Variants in MYO1C observed in about 807,000 individuals in gnomAD.
MYO1C encodes myosin IC, also known as unconventional myosin-Ic.
A neutral mutation model predicts 150.8 loss-of-function variants in MYO1C; 104 were observed. That is an observed-to-expected ratio of 0.69 (90% CI 0.59 to 0.81). The LOEUF is 0.81. Ranked by LOEUF, MYO1C falls within the 30% of genes least tolerant of loss-of-function variation. The pLI, the probability that MYO1C is intolerant of heterozygous loss-of-function variation, is 0.00. For synonymous variants in MYO1C, 663 were observed against 579.9 expected (o/e 1.14, Z -2.06); for missense variants, 1,504 against 1,435.0 (o/e 1.05, Z -0.78).
chr17:1,489,680 A>G (rs921309725), intron 1 of MYO1C, among the ~76,000 whole-genome samples: 46 of 152,288 alleles, frequency 3.0e-4, no homozygotes, highest in Admixed American at 7.8e-4. Context: ...CCCAGTGTCA[A>G]ACAAACAAAG....
intron 7 of MYO1C, among the ~76,000 whole-genome samples, chr17:1,480,168 A>G (rs1462090975): frequency 1.4e-4 from 19 of 133,746 alleles, no homozygotes; most frequent in Admixed American, 1.4e-3. Context: ...AAAAAAAAAA[A>G]GGGATTACTG....
chr17:1,468,051 T>A lies in MYO1C; in HGVS notation c.2833A>T (p.Asn945Tyr). Residue 945 changes from asparagine to tyrosine, a missense_variant, in exon 28 of 32, where the codon AAC becomes TAC. Physicochemically the swap from Asn to Tyr is moderately radical, Grantham distance 143. Coordinates refer to ENST00000648651, the MANE Select transcript of MYO1C (RefSeq NM_001080779.2). Reference sequence around the variant, plus strand: ...GCGTCCTCCACGATGACGACGGCGTTGGGCGTGAGCAGCAGCTGCCGGGAG... The same window carrying A: ...GCGTCCTCCACGATGACGACGGCGTAGGGCGTGAGCAGCAGCTGCCGGGAG... The part of the protein sequence containing the change: ...PRSRQLLLTP[N>Y]AVVIVEDAKV... 1 of 1,613,052 alleles carries A rather than the reference T, an allele frequency of 6.2e-7. No homozygotes were observed. Among genetic ancestry groups the A allele is most frequent in the Non-Finnish European group, 8.5e-7 (1 of 1,179,862 alleles).
intron 29 of MYO1C, 79 bp downstream of exon 29, chr17:1,467,761 C>T (rs2074207693): frequency 2.1e-5 from 12 of 569,006 alleles, no homozygotes; most frequent in African/African-American, 2.6e-5. Flanking sequence ...ACCCCCACAC[C>T]CCCTATTCCC....
rs146239773 is a variant in MYO1C, at chr17:1,484,202, G to C, written c.177C>G (p.Ser59Arg). 5 of 1,612,898 alleles carry C rather than the reference G, an allele frequency of 3.1e-6. No homozygotes were observed. Among genetic ancestry groups the C allele is most frequent in the African/African-American group, 1.3e-5 (1 of 75,040 alleles). ...GCAGGTTCTCGATGAAGGCGGCCTC[G>C]CTGGTGAAGTTCTCCAGCAGCACGA... ...QDFVLLENFT[S>R]EAAFIENLRR... The change falls in exon 2 of 32, where the codon AGC (serine) becomes AGG (arginine). Residue 59 changes from serine to arginine, a missense_variant. Ser to Arg is a moderately radical substitution (Grantham distance 110). Transcript: ENST00000648651.
chr17:1,492,194 A>G (rs1251283189), intron 1 of MYO1C, among the ~76,000 whole-genome samples: 2 of 152,218 alleles, frequency 1.3e-5, no homozygotes. Context: ...GCCGGGGAAG[A>G]GTCAAGCCCA....
At chr17:1,484,878 CCAG>C in intron 1 of MYO1C, 1 of 365,852 alleles carries the variant, frequency 2.7e-6, no homozygotes, top group Non-Finnish European at 5.2e-6. Flanking sequence ...TCTCTCCCAC[CCAG>C]ACCCACCCCC....
Position 1,472,016 on chromosome 17 carries a change from C to T in MYO1C, c.1912G>A (p.Asp638Asn), listed in dbSNP as rs1305207025. ...PNDAKQPGRFDEVLIRHQVKY... is the reference protein window; with the variant it reads ...PNDAKQPGRFNEVLIRHQVKY... ...ACCTGGTGGCGGATCAGCACCTCGTCAAAGCGGCCTGGGGTAGGGGGAGCG... is the reference window on the plus strand; with the variant it reads ...ACCTGGTGGCGGATCAGCACCTCGTTAAAGCGGCCTGGGGTAGGGGGAGCG... Residue 638 changes from aspartate to asparagine, a missense_variant, in exon 19 of 32, where the codon GAC (aspartate) becomes AAC (asparagine). Asp to Asn is a conservative substitution (Grantham distance 23, BLOSUM62 1). Coordinates refer to ENST00000648651, the MANE Select transcript of MYO1C (RefSeq NM_001080779.2). The T allele has an allele frequency of 3.1e-6, 5 of 1,613,870 alleles. No homozygotes were observed. The African/African-American group carries it at 5.3e-5, about 17-fold the overall frequency.
chr17:1,479,643 C>G lies in MYO1C; in HGVS notation c.969G>C (p.Glu323Asp). ...CGGTGGTGACCTGGGCATTGCTCTC[C>G]TCGTTGGCAGCAAAGTGGATGTTGC... ...HLGNIHFAANEESNAQVTTEN... is the reference protein window; with the variant it reads ...HLGNIHFAANDESNAQVTTEN... The change falls in exon 8 of 32, where the codon GAG (glutamate) becomes GAC (aspartate). Residue 323 changes from glutamate to aspartate, a missense_variant. Transcript: ENST00000648651. This position sits in a 1 kb window ranked among gnomAD's most constrained non-coding sequence, Gnocchi z 4.2. The G allele has an allele frequency of 6.2e-7, 1 of 1,613,748 alleles. No individual in the cohort carries two copies. Among genetic ancestry groups the G allele is most frequent in the African/African-American group, 1.3e-5 (1 of 74,980 alleles).
At chr17:1,475,133 A>G in intron 14 of MYO1C, 101 bp from the exon 15 acceptor site, 6 of 1,228,172 alleles carry the variant, frequency 4.9e-6, no homozygotes, top group Middle Eastern at 2.7e-4. Context: ...GCCCAGGTGC[A>G]CCCCAGGCCG....
At chr17:1,469,746 C>T in intron 24 of MYO1C, 132 bp from the exon 25 acceptor site, 3 of 837,134 alleles carry the variant, frequency 3.6e-6, no homozygotes, top group Admixed American at 4.0e-5. Flanking sequence ...GTCAAGAGAC[C>T]TTACTCGGCA....
chr17:1,466,267 C>T (rs550592207), intron 31 of MYO1C, among the ~76,000 whole-genome samples: 4 of 148,640 alleles, frequency 2.7e-5, no homozygotes, highest in Non-Finnish European at 3.0e-5. Flanking sequence ...CTCAAGCAAT[C>T]CTCTCATCTC....
At position 1,467,883 on chromosome 17, in the gene MYO1C, C is replaced by T; in HGVS notation, c.2924G>A (p.Ser975Asn). The change falls in exon 29 of 32, where the codon AGT (serine) becomes AAT (asparagine). Residue 975 changes from serine to asparagine, a missense_variant. By Grantham distance (46) the Ser-to-Asn change is conservative (BLOSUM62 1). Coordinates refer to ENST00000648651, the MANE Select transcript of MYO1C (RefSeq NM_001080779.2). Reference sequence around the variant, plus strand: ...ACGCTGTACATGAAGCACAAAAAGACTGTCGCTCAGGCTGCTGACAGAGAT... The same window carrying T: ...ACGCTGTACATGAAGCACAAAAAGATTGTCGCTCAGGCTGCTGACAGAGAT... The part of the protein sequence containing the change: ...TGISVSSLSD[S>N]LFVLHVQRAD... 1 of 1,608,206 alleles carries T rather than the reference C, an allele frequency of 6.2e-7. No homozygotes were observed. The highest frequency in any genetic ancestry group is 8.5e-7 in the Non-Finnish European group (1 of 1,177,740).
At chr17:1,475,388 C>CAA (rs150952126) in intron 14 of MYO1C, among the ~76,000 whole-genome samples, 6 of 147,042 alleles carry the variant, frequency 4.1e-5, no homozygotes, top group African/African-American at 1.5e-4. Flanking sequence ...CACTACACTC[C>CAA]AAAAAAAAAA....
In MYO1C at chr17:1,477,530, C is replaced by T. The variant is rs751601668; in HGVS notation, c.1549G>A (p.Val517Ile). The change falls in exon 14 of 32, where the codon GTC becomes ATC. Residue 517 changes from valine (V) to isoleucine (I), a missense_variant. Coordinates refer to ENST00000648651, the MANE Select transcript of MYO1C (RefSeq NM_001080779.2). ...LTFLEKLEDT[V>I]KHHPHFLTHK... is the part of the protein sequence containing the mutation. ...GTCAGGAAGTGTGGATGGTGCTTGA[C>T]AGTATCCTCCAGCTTCTCCAGGAAG... 6.8e-6 allele frequency: 11 copies of T among 1,613,692 alleles called. No homozygotes were observed. Among genetic ancestry groups the T allele is most frequent in the Non-Finnish European group, 9.3e-6 (11 of 1,180,018 alleles).
In MYO1C at chr17:1,485,642, T is replaced by G. The variant is rs1282673912; in HGVS notation, c.76-1339A>C. The G allele has an allele frequency of 4.3e-6, 5 of 1,175,624 alleles. No individual in the cohort carries two copies. In the African/African-American group the frequency reaches 6.4e-5, roughly 15 times the overall value. 72.8% of individuals were successfully genotyped at this position (1,175,624 alleles called of 1,614,324 possible). On this transcript the variant is annotated intron_variant, in intron 1 of 31. Coordinates refer to ENST00000648651, the MANE Select transcript of MYO1C (RefSeq NM_001080779.2). ...GCGAGGCCGAGGCGACGCCGCGAGG[T>G]GGGGAGGGACGCCCGGGACCCCCCG... is the stretch of plus-strand genomic sequence containing the variant.
intron 1 of MYO1C, chr17:1,486,973 G>C (rs908974152): frequency 2.6e-5 from 4 of 152,360 alleles, no homozygotes; most frequent in African/African-American, 9.6e-5. Context: ...TCCCACCGCG[G>C]GCAGGGGCGG....
intron 1 of MYO1C, among the ~76,000 whole-genome samples, chr17:1,489,651 G>A (rs941375474): frequency 3.9e-5 from 6 of 152,178 alleles, no homozygotes; most frequent in Non-Finnish European, 8.8e-5. Flanking sequence ...CTGCACTCCA[G>A]CCTGGGTACC....
chr17:1,471,449 G>C (rs560221403), intron 19 of MYO1C, 113 bp from the exon 20 acceptor site: 1 of 837,686 alleles, frequency 1.2e-6, no homozygotes, highest in Admixed American at 2.0e-5. Context: ...TTCACAGCTA[G>C]CAGGAGGCTC....
At chr17:1,467,421 G>A (rs1002220734) in intron 30 of MYO1C, 59 bp downstream of exon 30, 2 of 1,600,360 alleles carry the variant, frequency 1.2e-6, no homozygotes, top group African/African-American at 2.7e-5. Flanking sequence ...CTGTCCCTGG[G>A]TGCCCACACA....
Sources: allele counts gnomAD v4.1 joint callset (sites outside exome capture counted in the v4.1 genomes callset), GRCh38; gene constraint gnomAD v4.1.1; non-coding constraint Gnocchi (gnomAD v3.1); transcripts MANE v1.5; gene names NCBI Gene and HGNC (gene_info 2026-07-23, HGNC 2026-07-21).